ZNF521: variants seen among roughly 807,000 people sequenced by gnomAD.
ZNF521 encodes zinc finger protein 521.
ZNF521 carries 14 observed loss-of-function variants against 105.5 expected under a neutral mutation model. That is an observed-to-expected ratio of 0.13 (90% CI 0.09 to 0.21). The LOEUF (loss-of-function observed/expected upper bound fraction) is 0.21. Among genes scored for constraint, ZNF521 ranks in the 10% least tolerant of loss-of-function variants. ZNF521 has a pLI of 1.00. For synonymous variants in ZNF521, 635 were observed against 606.0 expected (o/e 1.05, Z -0.70); for missense variants, 1,233 against 1,629.7 (o/e 0.76, Z 4.19).
intron 5 of ZNF521, among the ~76,000 whole-genome samples, chr18:25,136,104 C>T (rs911111377): frequency 5.3e-5 from 8 of 152,074 alleles, no homozygotes; most frequent in Admixed American, 1.3e-4. Context: ...CCAAAAATTT[C>T]GTAATAATAT....
intron 3 of ZNF521, among the ~76,000 whole-genome samples, chr18:25,295,214 T>TTAGTTTTGCC (rs1193516478): frequency 6.6e-6 from 1 of 152,158 alleles, no homozygotes; most frequent in East Asian, 1.9e-4. Flanking sequence ...ACAGTATAAT[T>TTAGTTTTGCC]TAGTTTTGCC....
intron 6 of ZNF521, 42 bp downstream of exon 6, chr18:25,091,908 G>T: frequency 6.2e-7 from 1 of 1,605,898 alleles, no homozygotes; most frequent in Non-Finnish European, 8.5e-7. Flanking sequence ...ACATGATGTG[G>T]CCATCAGCCT....
chr18:25,105,338 C>G (rs2034050143), intron 5 of ZNF521, among the ~76,000 whole-genome samples: 1 of 152,154 alleles, frequency 6.6e-6, no homozygotes. Context: ...CCGAGTAGGT[C>G]TAAATATGAT....
chr18:25,308,250 C>G (rs1027184531), intron 3 of ZNF521, among the ~76,000 whole-genome samples: 3 of 149,966 alleles, frequency 2.0e-5, no homozygotes, highest in Non-Finnish European at 4.4e-5. Flanking sequence ...TCCAGGCCAC[C>G]AGGTAACTGT....
intron 3 of ZNF521, among the ~76,000 whole-genome samples, chr18:25,297,752 G>A (rs1396054378): frequency 6.6e-6 from 1 of 152,096 alleles, no homozygotes; most frequent in Non-Finnish European, 1.5e-5. Flanking sequence ...TTCTCTACCA[G>A]TTATCAGATA....
At chr18:25,167,638 A>T (rs750113871) in intron 5 of ZNF521, among the ~76,000 whole-genome samples, 10 of 152,204 alleles carry the variant, frequency 6.6e-5, no homozygotes, top group Non-Finnish European at 1.5e-4. Context: ...AATTATACCA[A>T]TTCATGCCAA....
intron 7 of ZNF521, among the ~76,000 whole-genome samples, chr18:25,083,973 A>T (rs2033564580): frequency 1.9e-5 from 2 of 107,442 alleles, no homozygotes; most frequent in South Asian, 3.5e-4. Context: ...GGTAGAGATG[A>T]GGCTTTCACC....
chr18:25,290,484 T>C (rs965809233), intron 3 of ZNF521, among the ~76,000 whole-genome samples: 1 of 152,186 alleles, frequency 6.6e-6, no homozygotes, highest in Non-Finnish European at 1.5e-5. Context: ...CCCAGAGTAC[T>C]GACTGCAAAT....
At chr18:25,085,758 A>G (rs2033609603) in intron 7 of ZNF521, among the ~76,000 whole-genome samples, 1 of 151,962 alleles carries the variant, frequency 6.6e-6, no homozygotes, top group African/African-American at 2.4e-5. Flanking sequence ...ACGCATATAT[A>G]TAAATTCTAT....
intron 5 of ZNF521, among the ~76,000 whole-genome samples, chr18:25,192,192 G>A (rs955360952): frequency 1.8e-4 from 28 of 152,152 alleles, no homozygotes; most frequent in African/African-American, 5.8e-4. Flanking sequence ...GAAGAGGGAG[G>A]TTTTCTTTTT....
intron 4 of ZNF521, among the ~76,000 whole-genome samples, chr18:25,198,226 A>G (rs1433673586): frequency 6.6e-6 from 1 of 151,840 alleles, no homozygotes; most frequent in Admixed American, 6.6e-5. Flanking sequence ...TGTAATTATC[A>G]AGGATACAAC....
chr18:25,200,084 C>A (rs1308359642), intron 4 of ZNF521, among the ~76,000 whole-genome samples: 2 of 152,038 alleles, frequency 1.3e-5, no homozygotes, highest in Admixed American at 1.3e-4. Flanking sequence ...TATAACCAAG[C>A]CAGGATTCTA....
At chr18:25,199,491 A>C (rs1038461012) in intron 4 of ZNF521, among the ~76,000 whole-genome samples, 2 of 151,926 alleles carry the variant, frequency 1.3e-5, no homozygotes, top group Non-Finnish European at 2.9e-5. Flanking sequence ...TTTAGATGTG[A>C]TAATGGTATT....
chr18:25,320,359 C>T (rs911702196), intron 3 of ZNF521, among the ~76,000 whole-genome samples: 39 of 152,060 alleles, frequency 2.6e-4, no homozygotes, highest in East Asian at 3.9e-4. Flanking sequence ...TTAGTAGAGA[C>T]GGGGTTTCAC....
At chr18:25,272,919 A>AAT (rs1909762297) in intron 3 of ZNF521, among the ~76,000 whole-genome samples, 4 of 150,614 alleles carry the variant, frequency 2.7e-5, no homozygotes, top group African/African-American at 4.9e-5. Flanking sequence ...ATAATAATAA[A>AAT]AAACTGTAAA....
chr18:25,262,284 G>A (rs896867759), intron 3 of ZNF521, among the ~76,000 whole-genome samples: 3 of 152,154 alleles, frequency 2.0e-5, no homozygotes, highest in Middle Eastern at 3.2e-3. Flanking sequence ...ACAATTTTAA[G>A]GCAGATACTT....
intron 7 of ZNF521, among the ~76,000 whole-genome samples, chr18:25,080,808 C>G (rs1365209802): frequency 6.6e-6 from 1 of 152,240 alleles, no homozygotes; most frequent in Non-Finnish European, 1.5e-5. Context: ...ATTCTTGCCA[C>G]TTTGTCTCTG....
At chr18:25,256,219 G>A (rs191012931) in intron 3 of ZNF521, among the ~76,000 whole-genome samples, 3 of 151,950 alleles carry the variant, frequency 2.0e-5, no homozygotes, top group East Asian at 1.9e-4. Flanking sequence ...CAAATTCATA[G>A]AGACAAAACA....
At chr18:25,075,172 C>T (rs2033331167) in intron 7 of ZNF521, among the ~76,000 whole-genome samples, 1 of 152,138 alleles carries the variant, frequency 6.6e-6, no homozygotes, top group African/African-American at 2.4e-5. Context: ...CTAATCAGTC[C>T]TCAAAGGAAC....
Sources: gnomAD v4.1 joint callset for allele counts (sites outside exome capture counted in the v4.1 genomes callset) on GRCh38, gnomAD v4.1.1 for gene constraint, MANE v1.5 for transcripts, NCBI Gene and HGNC (gene_info 2026-07-23, HGNC 2026-07-21) for gene names.